Variants in SNX29 observed in about 807,000 individuals in gnomAD.
SNX29 encodes the protein sorting nexin-29.
SNX29 carries 78 observed loss-of-function variants against 102.1 expected under a neutral mutation model. The observed-to-expected ratio is 0.76, with a 90% CI of 0.64 to 0.92. The LOEUF (loss-of-function observed/expected upper bound fraction) is 0.92, where lower values mean the gene tolerates loss of function less well. Among genes scored for constraint, SNX29 ranks in the 40% least tolerant of loss-of-function variants. SNX29 has a pLI of 0.00. For synonymous variants in SNX29, 580 were observed against 414.5 expected, an observed-to-expected ratio of 1.40 and a Z score of -4.85; for missense variants, 1,280 against 1,061.7, an observed-to-expected ratio of 1.21 and a Z score of -2.86.
In SNX29 at chr16:12,098,818, A is replaced by G. The variant is rs2052882330; in HGVS notation, c.1402+19903A>G. 6.6e-6 allele frequency among the ~76,000 whole-genome samples: 1 copy of G among 152,240 alleles called. No homozygotes were observed. Among genetic ancestry groups the G allele is most frequent in the African/African-American group, 2.4e-5 (1 of 41,470 alleles). On this transcript the variant is annotated intron_variant, in intron 11 of 20. Coordinates refer to ENST00000566228, the MANE Select transcript of SNX29 (RefSeq NM_032167.5). This position sits in a 1 kb window ranked among gnomAD's most constrained non-coding sequence, Gnocchi z 6.0. ...GTCCCTGAGTCTAACAGTCAGAGGT[A>G]GAGACCCCCCTCAGGGCAGTTCCTG...
intron 14 of SNX29, among the ~76,000 whole-genome samples, chr16:12,273,477 G>A (rs1267703803): frequency 6.6e-6 from 1 of 151,832 alleles, no homozygotes; most frequent in Non-Finnish European, 1.5e-5. Flanking sequence ...TCATGCCTCA[G>A]CCTCCCGAGT....
Position 12,569,418 on chromosome 16 carries a change from T to A in SNX29, c.*789T>A, listed in dbSNP as rs1483373084. ...TCAGCAGCAACCTAGTAACCCGGCG[T>A]CATCCAGCGTGTCCAAAGTAGCATT... On this transcript the variant is annotated 3_prime_UTR_variant, in exon 21 of 21. Transcript: ENST00000566228. The A allele has an allele frequency of 4.3e-6, 1 of 230,772 alleles. No individual in the cohort carries two copies. The highest frequency in any genetic ancestry group is 2.2e-5 in the African/African-American group (1 of 45,168). The allele number at this position is 230,772 out of a possible 1,614,324, so 14.3% of individuals were successfully genotyped here.
At chr16:12,384,703 G>T (rs1377908501) in intron 16 of SNX29, among the ~76,000 whole-genome samples, 3 of 152,140 alleles carry the variant, frequency 2.0e-5, no homozygotes, top group Non-Finnish European at 4.4e-5. Flanking sequence ...TCTTTGCTGT[G>T]CAGAAGCTTT....
intron 20 of SNX29, among the ~76,000 whole-genome samples, chr16:12,562,558 T>C (rs1260925471): frequency 1.3e-5 from 2 of 152,128 alleles, no homozygotes; most frequent in Non-Finnish European, 2.9e-5. Flanking sequence ...TAAGACACTG[T>C]CCCCGTGGTC....
chr16:12,187,480 G>A (rs925020462), intron 13 of SNX29, among the ~76,000 whole-genome samples: 3 of 151,746 alleles, frequency 2.0e-5, no homozygotes, highest in African/African-American at 2.4e-5. Flanking sequence ...CCCAGGAGGC[G>A]GAGGTTGCTG....
chr16:12,269,884 G>T (rs1206125214), intron 14 of SNX29, among the ~76,000 whole-genome samples: 1 of 151,678 alleles, frequency 6.6e-6, no homozygotes, highest in East Asian at 1.9e-4. Flanking sequence ...TATTTGAGAT[G>T]GGGTCTCACT....
chr16:12,261,710 G>A (rs2078771817), intron 14 of SNX29, among the ~76,000 whole-genome samples: 1 of 135,648 alleles, frequency 7.4e-6, no homozygotes, highest in South Asian at 2.5e-4. Flanking sequence ...TCGGGTCTGT[G>A]CGTGCGTCCC....
intron 14 of SNX29, among the ~76,000 whole-genome samples, chr16:12,265,691 A>C (rs2078906593): frequency 1.1e-5 from 1 of 89,156 alleles, no homozygotes; most frequent in Non-Finnish European, 2.1e-5. Context: ...CAAAACCTCA[A>C]CTCTACCAAA....
chr16:12,112,093 C>A (rs2053523964), intron 11 of SNX29, among the ~76,000 whole-genome samples: 1 of 152,212 alleles, frequency 6.6e-6, no homozygotes, highest in African/African-American at 2.4e-5. Context: ...GACTGCTGAA[C>A]TCTGGGAGCT....
intron 20 of SNX29, among the ~76,000 whole-genome samples, chr16:12,544,156 A>G (rs1041334528): frequency 6.6e-6 from 1 of 152,212 alleles, no homozygotes; most frequent in Non-Finnish European, 1.5e-5. Context: ...ATCATTCCTA[A>G]GAACACGGGA....
intron 20 of SNX29, among the ~76,000 whole-genome samples, chr16:12,536,246 T>C (rs182851086): frequency 1.3e-5 from 2 of 152,262 alleles, no homozygotes; most frequent in East Asian, 1.9e-4. Context: ...TTCTTTTTTA[T>C]GCATGAGAAC....
intron 19 of SNX29, among the ~76,000 whole-genome samples, chr16:12,498,804 T>C (rs554042607): frequency 2.6e-5 from 4 of 152,328 alleles, no homozygotes; most frequent in African/African-American, 9.6e-5. Context: ...ATTAAAACAA[T>C]TTTTGGCCAC....
At chr16:12,393,436 T>C (rs967959220) in intron 16 of SNX29, among the ~76,000 whole-genome samples, 1 of 136,820 alleles carries the variant, frequency 7.3e-6, no homozygotes, top group East Asian at 2.5e-4. Context: ...ATTCATTCAG[T>C]GTGTTAGTTC....
intron 11 of SNX29, among the ~76,000 whole-genome samples, chr16:12,114,788 C>T (rs555238422): frequency 6.6e-6 from 1 of 152,152 alleles, no homozygotes; most frequent in African/African-American, 2.4e-5. Context: ...GGGGTTTCAG[C>T]ATGTTGGCCA....
chr16:12,063,488 C>A (rs1002179877), intron 9 of SNX29, among the ~76,000 whole-genome samples: 3 of 150,250 alleles, frequency 2.0e-5, no homozygotes, highest in African/African-American at 7.4e-5. Context: ...GATTCTCCTG[C>A]CTCAGCTTCC....
intron 20 of SNX29, 128 bp from the exon 21 acceptor site, chr16:12,568,378 A>C: frequency 1.6e-6 from 2 of 1,242,502 alleles, no homozygotes; most frequent in Non-Finnish European, 2.2e-6. Context: ...AGTTAGAGGC[A>C]GATCCAATGA....
intron 14 of SNX29, among the ~76,000 whole-genome samples, chr16:12,237,255 G>A (rs1450455236): frequency 6.6e-6 from 1 of 152,212 alleles, no homozygotes; most frequent in Non-Finnish European, 1.5e-5. Flanking sequence ...GCCCAGCGGT[G>A]TTTCCTCTCA....
chr16:12,454,818 C>G (rs185156881), intron 18 of SNX29, among the ~76,000 whole-genome samples: 2 of 151,314 alleles, frequency 1.3e-5, no homozygotes, highest in East Asian at 3.9e-4. Flanking sequence ...CTCCCAGGTT[C>G]AGGCACTTCT....
Position 12,279,926 on chromosome 16 carries a change from C to T in SNX29, c.1782+1890C>T, listed in dbSNP as rs112993294. Among the ~76,000 whole-genome samples, 746 of 152,308 alleles carry T rather than the reference C, an allele frequency of 4.9e-3. 5 individuals are homozygous for T. The highest frequency in any genetic ancestry group is 0.017 in the African/African-American group (724 of 41,570). ...TGGTGAGGACTCCATCAGACCAGTG[C>T]AGCTCAGTGAGGGTGCCTACTTCGC... On this transcript the variant is annotated intron_variant, in intron 15 of 20. Coordinates refer to ENST00000566228, the MANE Select transcript of SNX29 (RefSeq NM_032167.5).
Sources: allele counts gnomAD v4.1 joint callset (sites outside exome capture counted in the v4.1 genomes callset), GRCh38; gene constraint gnomAD v4.1.1; non-coding constraint Gnocchi (gnomAD v3.1); transcripts MANE v1.5; gene names NCBI Gene and HGNC (gene_info 2026-07-23, HGNC 2026-07-21).